The following PRKN variants were observed in gnomAD, a reference collection of about 807,000 sequenced individuals.
PRKN encodes parkin RBR E3 ubiquitin protein ligase, also known as E3 ubiquitin-protein ligase parkin.
In PRKN, 56 loss-of-function variants were observed where a neutral mutation model predicts 59.5. That is an observed-to-expected ratio of 0.94 (90% CI 0.76 to 1.18). The LOEUF is 1.18. Ranked by LOEUF, PRKN falls within the 50% of genes most tolerant of loss-of-function variation. The pLI, the probability that PRKN is intolerant of heterozygous loss-of-function variation, is 0.00. For synonymous variants in PRKN, 250 were observed against 222.1 expected, an observed-to-expected ratio of 1.13 and a Z score of -1.12; for missense variants, 657 against 596.4, an observed-to-expected ratio of 1.10 and a Z score of -1.06.
At chr6:162,036,165 A>G (rs1286364661) in intron 5 of PRKN, among the ~76,000 whole-genome samples, 1 of 151,600 alleles carries the variant, frequency 6.6e-6, no homozygotes, top group Non-Finnish European at 1.5e-5. Context: ...TCTACTAAAT[A>G]TACAAAAAAT....
intron 6 of PRKN, among the ~76,000 whole-genome samples, chr6:161,834,769 G>T (rs1792672646): frequency 6.6e-6 from 1 of 152,214 alleles, no homozygotes; most frequent in Non-Finnish European, 1.5e-5. Flanking sequence ...CACACGCCCT[G>T]GCTCTCAGGG....
At chr6:161,679,741 C>CA (rs1785239584) in intron 7 of PRKN, among the ~76,000 whole-genome samples, 1 of 23,484 alleles carries the variant, frequency 4.3e-5, no homozygotes, top group East Asian at 1.7e-3. Flanking sequence ...TCAGAGCCAG[C>CA]TTTTTTTTTT....
chr6:162,004,656 G>A (rs1434508355), intron 5 of PRKN, among the ~76,000 whole-genome samples: 1 of 152,142 alleles, frequency 6.6e-6, no homozygotes, highest in South Asian at 2.1e-4. Flanking sequence ...TTGCAAAATT[G>A]TAGCTTCAGA....
chr6:161,834,787 G>C (rs538365399), intron 6 of PRKN, among the ~76,000 whole-genome samples: 4 of 152,324 alleles, frequency 2.6e-5, no homozygotes, highest in Admixed American at 1.3e-4. Flanking sequence ...GGGTGGCTGC[G>C]ATGGGAGGGG....
intron 9 of PRKN, among the ~76,000 whole-genome samples, chr6:161,441,019 CT>C (rs1789190064): frequency 6.6e-6 from 1 of 152,184 alleles, no homozygotes; most frequent in South Asian, 2.1e-4. Flanking sequence ...CAAAAATGTT[CT>C]GAACTACAAG....
intron 5 of PRKN, among the ~76,000 whole-genome samples, chr6:162,019,530 C>T (rs185676096): frequency 2.0e-5 from 3 of 152,272 alleles, no homozygotes; most frequent in South Asian, 2.1e-4. Context: ...TCCCCTGGAA[C>T]GCTTATGGCT....
intron 1 of PRKN, among the ~76,000 whole-genome samples, chr6:162,639,721 C>A (rs1436998233): frequency 1.3e-5 from 2 of 152,038 alleles, no homozygotes; most frequent in African/African-American, 4.8e-5. Context: ...GATATTCTAC[C>A]CCTTATGATT....
chr6:162,212,029 A>T (rs1785220416), intron 3 of PRKN, among the ~76,000 whole-genome samples: 1 of 152,106 alleles, frequency 6.6e-6, no homozygotes, highest in African/African-American at 2.4e-5. Context: ...TATTGTTCTA[A>T]AAGTCTGCAC....
intron 6 of PRKN, among the ~76,000 whole-genome samples, chr6:161,953,025 G>T (rs1010314307): frequency 6.6e-6 from 1 of 152,162 alleles, no homozygotes; most frequent in African/African-American, 2.4e-5. Flanking sequence ...ACACACAAAT[G>T]TAATAATTGA....
intron 7 of PRKN, among the ~76,000 whole-genome samples, chr6:161,606,772 G>A (rs1782297099): frequency 6.6e-6 from 1 of 152,184 alleles, no homozygotes; most frequent in African/African-American, 2.4e-5. Context: ...TCAGAGAAAA[G>A]AAAGGGCCCA....
intron 2 of PRKN, among the ~76,000 whole-genome samples, chr6:162,382,693 G>A (rs972534542): frequency 6.6e-6 from 1 of 152,166 alleles, no homozygotes; most frequent in Non-Finnish European, 1.5e-5. Context: ...AAAGACAACA[G>A]TGAAGTTTGC....
intron 1 of PRKN, among the ~76,000 whole-genome samples, chr6:162,464,518 A>C (rs1461486701): frequency 6.6e-6 from 1 of 152,070 alleles, no homozygotes; most frequent in African/African-American, 2.4e-5. Flanking sequence ...ATTTCATTAG[A>C]AATTTGTCTA....
intron 5 of PRKN, among the ~76,000 whole-genome samples, chr6:162,044,612 G>C (rs1198467868): frequency 3.9e-5 from 6 of 152,200 alleles, no homozygotes; most frequent in Non-Finnish European, 7.3e-5. Flanking sequence ...AGGGAATGTT[G>C]ATTTTATACA....
At chr6:162,008,746 T>C (rs1782360354) in intron 5 of PRKN, among the ~76,000 whole-genome samples, 1 of 152,152 alleles carries the variant, frequency 6.6e-6, no homozygotes, top group African/African-American at 2.4e-5. Flanking sequence ...AAAGACACCA[T>C]GGCCCCAGTG....
intron 4 of PRKN, among the ~76,000 whole-genome samples, chr6:162,116,089 C>T (rs1014134076): frequency 6.6e-6 from 1 of 152,184 alleles, no homozygotes; most frequent in African/African-American, 2.4e-5. Context: ...ATTTACCCTT[C>T]AGCAAACTTC....
chr6:162,586,052 T>C (rs1781039497), intron 1 of PRKN, among the ~76,000 whole-genome samples: 1 of 152,092 alleles, frequency 6.6e-6, no homozygotes, highest in African/African-American at 2.4e-5. Context: ...ATCTCCAATA[T>C]TACAAAAGCA....
intron 4 of PRKN, among the ~76,000 whole-genome samples, chr6:162,117,492 A>C (rs1230865817): frequency 1.3e-5 from 2 of 152,226 alleles, no homozygotes; most frequent in African/African-American, 4.8e-5. Context: ...TTTCCAAGCC[A>C]AGTCTCCCTC....
chr6:162,064,093 C>G (rs1778225403), intron 4 of PRKN, among the ~76,000 whole-genome samples: 2 of 152,208 alleles, frequency 1.3e-5, no homozygotes, highest in Non-Finnish European at 2.9e-5. Flanking sequence ...AAGAGAGCTA[C>G]TGAGTCACAC....
At chr6:161,699,993 A>G (rs1236306031) in intron 7 of PRKN, among the ~76,000 whole-genome samples, 1 of 152,016 alleles carries the variant, frequency 6.6e-6, no homozygotes, top group Non-Finnish European at 1.5e-5. Context: ...GTCTGCAGTC[A>G]TGGGTATTTC....
Sources: gnomAD v4.1 joint callset for allele counts (sites outside exome capture counted in the v4.1 genomes callset) on GRCh38, gnomAD v4.1.1 for gene constraint, MANE v1.5 for transcripts, NCBI Gene and HGNC (gene_info 2026-07-23, HGNC 2026-07-21) for gene names.